The following PKHD1L1 variants were observed in gnomAD, a reference collection of about 807,000 sequenced individuals.
PKHD1L1 encodes PKHD1 like 1.
PKHD1L1 carries 434 observed loss-of-function variants against 462.9 expected under a neutral mutation model. That is an observed-to-expected ratio of 0.94 (90% CI 0.87 to 1.02). PKHD1L1 has a LOEUF of 1.02. Ranked by LOEUF, PKHD1L1 falls within the 50% of genes least tolerant of loss-of-function variation. The pLI is 0.00. For synonymous variants in PKHD1L1, 1,781 were observed against 1,750.0 expected (o/e 1.02, Z -0.44); for missense variants, 5,202 against 5,096.1 (o/e 1.02, Z -0.63).
chr8:109,498,887 T>A (rs1306202845), intron 67 of PKHD1L1, 116 bp downstream of exon 67: 1 of 912,194 alleles, frequency 1.1e-6, no homozygotes, highest in African/African-American at 1.7e-5. Flanking sequence ...TTTATAGCAA[T>A]CTGCTCAATA....
At chr8:109,468,310 A>G (rs1296441767) in intron 50 of PKHD1L1, among the ~76,000 whole-genome samples, 1 of 152,186 alleles carries the variant, frequency 6.6e-6, no homozygotes, top group Non-Finnish European at 1.5e-5. Context: ...TTTAGATTTT[A>G]TATATGATTC....
At position 109,445,534 on chromosome 8, in the gene PKHD1L1, A is replaced by G; in HGVS notation, c.5665A>G (p.Thr1889Ala). The change falls in exon 38 of 78, where the codon ACT becomes GCT. Residue 1889 changes from threonine (T) to alanine (A), a missense_variant. Around this residue, in one of 3 missense-constraint regions of PKHD1L1, gnomAD observed 4,497 missense variants for 4,336.8 expected, o/e 1.04. Coordinates refer to ENST00000378402, the MANE Select transcript of PKHD1L1 (RefSeq NM_177531.6). ...CTACTGCCGCACTCCCGCTGGGACC[A>G]CTGGAATGGTCGATGTTAAAATCTT... ...EVYCRTPAGT[T>A]GMVDVKIFVN... The G allele has an allele frequency of 6.2e-7, 1 of 1,613,478 alleles. No individual in the cohort carries two copies. The highest frequency in any genetic ancestry group is 8.5e-7 in the Non-Finnish European group (1 of 1,179,718).
At position 109,364,650 on chromosome 8, in the gene PKHD1L1, T is replaced by A; in HGVS notation, c.163+14T>A. The A allele has an allele frequency of 8.6e-7, 1 of 1,158,280 alleles. No homozygotes were observed. The highest frequency in any genetic ancestry group is 1.1e-6 in the Non-Finnish European group (1 of 874,048). 71.8% of individuals were successfully genotyped at this position (1,158,280 alleles called of 1,614,324 possible). ...TAAGAGGGGAAGGTATCGTTGCTTT[T>A]TTTTTTTTTTTTTTGCCAAGGTTGA... On this transcript the variant is annotated intron_variant, in intron 2 of 77. Transcript: ENST00000378402.
chr8:109,511,948 T>C (rs1046784981), intron 71 of PKHD1L1, among the ~76,000 whole-genome samples: 2 of 152,258 alleles, frequency 1.3e-5, no homozygotes, highest in African/African-American at 4.8e-5. Context: ...TGGCCAGTGA[T>C]GGTGAGCATT....
intron 71 of PKHD1L1, among the ~76,000 whole-genome samples, chr8:109,512,928 A>C (rs1297443061): frequency 6.6e-6 from 1 of 151,946 alleles, no homozygotes; most frequent in Non-Finnish European, 1.5e-5. Context: ...TGTAAGTTGG[A>C]TTCCTAGGTA....
intron 59 of PKHD1L1, among the ~76,000 whole-genome samples, 189 bp from the exon 60 acceptor site, chr8:109,489,763 A>C (rs1818737431): frequency 6.6e-6 from 1 of 151,934 alleles, no homozygotes. Context: ...ATTAGGAAAA[A>C]AAATGTTGAA....
chr8:109,393,106 G>A (rs1043056417), intron 9 of PKHD1L1, among the ~76,000 whole-genome samples: 5 of 152,212 alleles, frequency 3.3e-5, no homozygotes, highest in East Asian at 1.9e-4. Flanking sequence ...AGCTAGCATC[G>A]TTTCAGATCT....
chr8:109,452,525 G>T (rs1816588570), intron 42 of PKHD1L1, among the ~76,000 whole-genome samples, 193 bp from the exon 43 acceptor site: 1 of 151,072 alleles, frequency 6.6e-6, no homozygotes, highest in South Asian at 2.1e-4. Context: ...TCATTATTGT[G>T]AAATAAACCA....
intron 38 of PKHD1L1, 50 bp from the exon 39 acceptor site, chr8:109,448,093 T>C (rs766771096): frequency 1.9e-5 from 27 of 1,445,352 alleles, no homozygotes; most frequent in Non-Finnish European, 2.5e-5. Context: ...TAAATGGATG[T>C]GTATTAATAG....
intron 65 of PKHD1L1, among the ~76,000 whole-genome samples, chr8:109,498,091 T>TAGTAAGAGCTATTATTAATGCTATA (rs1244870725): frequency 3.6e-4 from 25 of 69,668 alleles, no homozygotes; most frequent in South Asian, 1.4e-3. Flanking sequence ...TGTTTTCTTT[T>TAGTAAGAGCTATTATTAATGCTATA]TTTTTTTTTT....
Position 109,408,827 on chromosome 8 carries a change from A to G in PKHD1L1, c.1971+621A>G, listed in dbSNP as rs115300086. Reference sequence around the variant, plus strand: ...TTTAAATGTCAACCTTTTATAAAGAACACTTTAAGGAGGAGTAATACATTC... The same window carrying G: ...TTTAAATGTCAACCTTTTATAAAGAGCACTTTAAGGAGGAGTAATACATTC... On this transcript the variant is annotated intron_variant, in intron 18 of 77. Transcript: ENST00000378402. 3.0e-3 allele frequency among the ~76,000 whole-genome samples: 460 copies of G among 152,292 alleles called. 2 individuals are homozygous for G. The highest frequency in any genetic ancestry group is 0.01 in the African/African-American group (436 of 41,562).
chr8:109,448,956 AT>A (rs1434198662), intron 39 of PKHD1L1, among the ~76,000 whole-genome samples: 1 of 152,146 alleles, frequency 6.6e-6, no homozygotes, highest in Non-Finnish European at 1.5e-5. Context: ...ATAAATTAGT[AT>A]CTTTTTTATT....
chr8:109,364,531 T>G lies in PKHD1L1; in HGVS notation c.74-16T>G, dbSNP rs370157617. The G allele has an allele frequency of 6.5e-7, 1 of 1,533,020 alleles. No homozygotes were observed. The highest frequency in any genetic ancestry group is 8.9e-7 in the Non-Finnish European group (1 of 1,117,886). The allele number at this position is 1,533,020 out of a possible 1,614,324, so 95.0% of individuals were successfully genotyped here. A position where few individuals can be genotyped will look rare whatever the true frequency, so the allele number is the denominator to read the frequency against. On this transcript the variant is annotated splice_polypyrimidine_tract_variant and intron_variant, in intron 1 of 77. Coordinates refer to ENST00000378402, the MANE Select transcript of PKHD1L1 (RefSeq NM_177531.6). ...CTTGGTGATTTTTACCTCTACTGTA[T>G]TTTAATATTTTTCAGATGGCTCTCA...
intron 11 of PKHD1L1, among the ~76,000 whole-genome samples, chr8:109,397,395 G>T (rs1813033628): frequency 6.6e-6 from 1 of 152,168 alleles, no homozygotes; most frequent in Admixed American, 6.5e-5. Context: ...AGTGAAACGG[G>T]CTGGGTGCAG....
At chr8:109,449,139 C>T (rs1226486876) in intron 39 of PKHD1L1, among the ~76,000 whole-genome samples, 199 bp from the exon 40 acceptor site, 5 of 152,064 alleles carry the variant, frequency 3.3e-5, no homozygotes, top group Non-Finnish European at 7.4e-5. Flanking sequence ...ATGACATTTA[C>T]TCAGTGAAGA....
intron 70 of PKHD1L1, 124 bp downstream of exon 70, chr8:109,508,388 A>G: frequency 6.0e-6 from 6 of 995,000 alleles, no homozygotes; most frequent in Non-Finnish European, 8.9e-6. Context: ...TTTGCCTTCC[A>G]TTTGTAACAA....
intron 51 of PKHD1L1, 75 bp downstream of exon 51, chr8:109,475,344 A>G (rs1332045929): frequency 8.6e-7 from 1 of 1,159,642 alleles, no homozygotes; most frequent in Non-Finnish European, 1.2e-6. Context: ...ACTTACTCAC[A>G]GACATTGTCA....
At position 109,452,260 on chromosome 8, in the gene PKHD1L1, G is replaced by C. The variant is rs376873104; in HGVS notation, c.6487G>C (p.Gly2163Arg). The change falls in exon 42 of 78, where the codon GGT becomes CGT. Residue 2163 changes from glycine to arginine, a missense_variant. Coordinates refer to ENST00000378402, the MANE Select transcript of PKHD1L1 (RefSeq NM_177531.6). ...GWAPVCVHIR[G>R]VGMAKLDNAD... Reference sequence around the variant, plus strand: ...GGCTCCAGTTTGTGTCCACATCAGAGGTGTCGGCATGGCCAAACTGGTAAT... The same window carrying C: ...GGCTCCAGTTTGTGTCCACATCAGACGTGTCGGCATGGCCAAACTGGTAAT... 5.8e-5 allele frequency: 93 copies of C among 1,605,162 alleles called. No homozygotes were observed. Among genetic ancestry groups the C allele is most frequent in the Non-Finnish European group, 7.6e-5 (89 of 1,174,866 alleles).
intron 23 of PKHD1L1, among the ~76,000 whole-genome samples, chr8:109,423,017 A>G (rs1396856811): frequency 1.3e-5 from 2 of 152,158 alleles, no homozygotes; most frequent in Non-Finnish European, 1.5e-5. Context: ...CATATCTTCT[A>G]CTGTGAAATG....
Sources: allele counts gnomAD v4.1 joint callset (sites outside exome capture counted in the v4.1 genomes callset), GRCh38; gene constraint gnomAD v4.1.1; regional missense constraint gnomAD v4.1.1; transcripts MANE v1.5; gene names NCBI Gene and HGNC (gene_info 2026-07-23, HGNC 2026-07-21).